Variants in PACS1 observed in about 807,000 individuals in gnomAD.
PACS1 encodes phosphofurin acidic cluster sorting protein 1, also known as PACS-1.
PACS1 carries 24 observed loss-of-function variants against 115.0 expected under a neutral mutation model. The observed-to-expected ratio is 0.21, with a 90% CI of 0.15 to 0.29. The LOEUF is 0.29. Among genes scored for constraint, PACS1 ranks in the 10% least tolerant of loss-of-function variants. The pLI, the probability that PACS1 is intolerant of heterozygous loss-of-function variation, is 1.00. For missense variants in PACS1, 838 were observed against 1,251.2 expected (o/e 0.67, Z 4.98); for synonymous variants, 453 against 504.5 (o/e 0.90, Z 1.37).
intron 1 of PACS1, among the ~76,000 whole-genome samples, chr11:66,175,367 C>A (rs1036793855): frequency 2.0e-5 from 3 of 152,060 alleles, no homozygotes; most frequent in African/African-American, 7.2e-5. Flanking sequence ...TCTTTACCCT[C>A]CCTTTGAATT....
At chr11:66,165,730 T>C (rs1020162378) in intron 1 of PACS1, among the ~76,000 whole-genome samples, 1 of 151,956 alleles carries the variant, frequency 6.6e-6, no homozygotes, top group Non-Finnish European at 1.5e-5. Flanking sequence ...TATATATATA[T>C]GTATTAAGGG....
At chr11:66,072,046 TC>T in intron 1 of PACS1, among the ~76,000 whole-genome samples, 1 of 152,360 alleles carries the variant, frequency 6.6e-6, no homozygotes, top group East Asian at 1.9e-4. Flanking sequence ...ATTGTGTTTA[TC>T]ATTTCCCTTG....
At position 66,230,673 on chromosome 11, in the gene PACS1, A is replaced by C; in HGVS notation, c.1490+10A>C. ...GCTCTGCCTCCCCCAGGTACTGCAGATGGAAAGGAAGCAGGGGGTACAGCC... is the reference window on the plus strand; with the variant it reads ...GCTCTGCCTCCCCCAGGTACTGCAGCTGGAAAGGAAGCAGGGGGTACAGCC... On this transcript the variant is annotated intron_variant, in intron 12 of 23. Coordinates refer to ENST00000320580, the MANE Select transcript of PACS1 (RefSeq NM_018026.4). 1 of 1,611,864 alleles carries C rather than the reference A, an allele frequency of 6.2e-7. No homozygotes were observed. The highest frequency in any genetic ancestry group is 8.5e-7 in the Non-Finnish European group (1 of 1,177,896).
At chr11:66,167,285 T>C (rs1315143766) in intron 1 of PACS1, among the ~76,000 whole-genome samples, 1 of 149,556 alleles carries the variant, frequency 6.7e-6, no homozygotes, top group African/African-American at 2.5e-5. Flanking sequence ...TTTCCCTTTG[T>C]CAGTATTAGG....
At chr11:66,071,534 G>A (rs1393520705) in intron 1 of PACS1, among the ~76,000 whole-genome samples, 1 of 152,126 alleles carries the variant, frequency 6.6e-6, no homozygotes, top group Admixed American at 6.6e-5. Flanking sequence ...GAACCATCTG[G>A]GGACTTTCCT....
intron 1 of PACS1, among the ~76,000 whole-genome samples, chr11:66,139,289 T>C (rs558062082): frequency 9.8e-5 from 15 of 152,298 alleles, no homozygotes; most frequent in African/African-American, 3.6e-4. Context: ...CACATGAGGG[T>C]AAGTGGGGTG....
At chr11:66,226,249 A>C (rs1375108121) in intron 10 of PACS1, among the ~76,000 whole-genome samples, 1 of 152,218 alleles carries the variant, frequency 6.6e-6, no homozygotes, top group Non-Finnish European at 1.5e-5. Context: ...ATCTGGAAGC[A>C]ACCTGTTCTG....
chr11:66,163,519 A>G (rs708472), intron 1 of PACS1, among the ~76,000 whole-genome samples: 63,135 of 151,938 alleles, frequency 0.42, 13,806 homozygotes, highest in Non-Finnish European at 0.48. Flanking sequence ...TCTTAGGTCT[A>G]AAATTTATAC....
At chr11:66,106,751 C>T (rs1001483190) in intron 1 of PACS1, among the ~76,000 whole-genome samples, 8 of 151,538 alleles carry the variant, frequency 5.3e-5, no homozygotes, top group Admixed American at 6.6e-5. Flanking sequence ...CAAAGCGAGA[C>T]CCTGTCTCAG....
At chr11:66,161,953 A>AT (rs1859496479) in intron 1 of PACS1, among the ~76,000 whole-genome samples, 1 of 152,100 alleles carries the variant, frequency 6.6e-6, no homozygotes. Flanking sequence ...CCTGATGGAT[A>AT]TTAATTGGTG....
At chr11:66,113,308 C>G (rs1858228440) in intron 1 of PACS1, among the ~76,000 whole-genome samples, 1 of 152,214 alleles carries the variant, frequency 6.6e-6, no homozygotes, top group African/African-American at 2.4e-5. Context: ...CTCCTAGCTA[C>G]CTGCTGACTC....
At chr11:66,150,338 C>T (rs1222164787) in intron 1 of PACS1, among the ~76,000 whole-genome samples, 1 of 152,152 alleles carries the variant, frequency 6.6e-6, no homozygotes, top group African/African-American at 2.4e-5. Context: ...CCATCTTCTC[C>T]AGTTACTAAA....
At chr11:66,138,226 G>T (rs1437145767) in intron 1 of PACS1, among the ~76,000 whole-genome samples, 1 of 151,860 alleles carries the variant, frequency 6.6e-6, no homozygotes, top group Non-Finnish European at 1.5e-5. Flanking sequence ...TTAGTAGATA[G>T]GACTGTAGAC....
chr11:66,137,560 G>T (rs1200867525), intron 1 of PACS1, among the ~76,000 whole-genome samples: 2 of 152,066 alleles, frequency 1.3e-5, no homozygotes, highest in Non-Finnish European at 2.9e-5. Flanking sequence ...TGCTTACCTG[G>T]CATCCAGCCG....
chr11:66,119,358 G>A (rs1327602681), intron 1 of PACS1, among the ~76,000 whole-genome samples: 2 of 152,244 alleles, frequency 1.3e-5, no homozygotes, highest in African/African-American at 4.8e-5. Flanking sequence ...TATATGGTCT[G>A]TGGCTGCTTT....
chr11:66,190,355 T>C (rs1419049814), intron 1 of PACS1, among the ~76,000 whole-genome samples: 1 of 152,228 alleles, frequency 6.6e-6, no homozygotes, highest in Non-Finnish European at 1.5e-5. Context: ...TGAGCCATCA[T>C]TTTTTGCCTT....
chr11:66,087,981 C>T (rs1408637154), intron 1 of PACS1, among the ~76,000 whole-genome samples: 1 of 152,058 alleles, frequency 6.6e-6, no homozygotes, highest in Non-Finnish European at 1.5e-5. Context: ...TTGCATTTCC[C>T]CAATGATGTT....
intron 1 of PACS1, among the ~76,000 whole-genome samples, chr11:66,133,373 G>C (rs865878868): frequency 2.0e-5 from 3 of 152,272 alleles, no homozygotes; most frequent in Middle Eastern, 3.4e-3. Context: ...CCTATGTTCT[G>C]CTCCTTGGCT....
intron 1 of PACS1, among the ~76,000 whole-genome samples, chr11:66,150,576 A>T (rs916112171): frequency 1.3e-5 from 2 of 152,204 alleles, no homozygotes; most frequent in Non-Finnish European, 2.9e-5. Flanking sequence ...GACAATTAGG[A>T]CTTTGCCACT....
Sources: gnomAD v4.1 joint callset for allele counts (sites outside exome capture counted in the v4.1 genomes callset) on GRCh38, gnomAD v4.1.1 for gene constraint, MANE v1.5 for transcripts, NCBI Gene and HGNC (gene_info 2026-07-23, HGNC 2026-07-21) for gene names.